Variants in MBNL1 observed in about 807,000 individuals in gnomAD.
The protein encoded by MBNL1 is muscleblind like splicing regulator 1.
Under a neutral mutation model 42.2 loss-of-function variants are expected in MBNL1, and 8 were observed. That is an observed-to-expected ratio of 0.19 (90% CI 0.11 to 0.34). The LOEUF is 0.34. MBNL1 is among the 10% of genes least tolerant of loss of function. MBNL1 has a pLI of 1.00. For synonymous variants in MBNL1, 169 were observed against 173.9 expected (o/e 0.97, Z 0.22); for missense variants, 309 against 495.3 (o/e 0.62, Z 3.57).
rs114807757 is a variant in MBNL1 at position 152,392,541 on chromosome 3, G to A, written c.175-22400G>A. On this transcript the variant is annotated intron_variant, in intron 2 of 9. Coordinates refer to ENST00000324210, the MANE Select transcript of MBNL1 (RefSeq NM_021038.5). ...ATCCCAGAATTTCTACTTTTTAAAA[G>A]CAGCAACAAGAAGTAAAACAAAACA... Among the ~76,000 whole-genome samples, 558 of 152,278 alleles carry A rather than the reference G, an allele frequency of 3.7e-3. 5 individuals carry two copies. Among genetic ancestry groups the A allele is most frequent in the Middle Eastern group, 0.014 (4 of 294 alleles).
At chr3:152,306,760 CAT>C (rs1043028764) in intron 2 of MBNL1, among the ~76,000 whole-genome samples, 4 of 152,110 alleles carry the variant, frequency 2.6e-5, no homozygotes, top group African/African-American at 4.8e-5. Flanking sequence ...TTTTTCCTCT[CAT>C]AAAACTTTCA....
At chr3:152,249,675 A>G (rs1039852309) in intron 2 of MBNL1, among the ~76,000 whole-genome samples, 4 of 150,792 alleles carry the variant, frequency 2.7e-5, no homozygotes, top group African/African-American at 9.8e-5. Flanking sequence ...TTGGTGTTTT[A>G]GACATGAAGT....
At chr3:152,338,158 A>G in intron 2 of MBNL1, 1 of 985,368 alleles carries the variant, frequency 1.0e-6, no homozygotes, top group Non-Finnish European at 1.2e-6. Context: ...TTTTTGGCTT[A>G]TGTATGGGAT....
chr3:152,340,881 C>T (rs777222897), intron 2 of MBNL1: 1 of 1,612,856 alleles, frequency 6.2e-7, no homozygotes, highest in East Asian at 2.2e-5. Context: ...ATAAAGGCAC[C>T]TGTGGGCCAG....
chr3:152,332,673 C>T (rs1453477643), intron 2 of MBNL1, among the ~76,000 whole-genome samples: 1 of 148,714 alleles, frequency 6.7e-6, no homozygotes, highest in Non-Finnish European at 1.5e-5. Flanking sequence ...AGTATTTTCT[C>T]TTTGAAGTTT....
intron 2 of MBNL1, among the ~76,000 whole-genome samples, chr3:152,412,676 TTC>T (rs1169813446): frequency 1.3e-5 from 2 of 152,188 alleles, no homozygotes; most frequent in African/African-American, 2.4e-5. Context: ...CACACGTGAT[TTC>T]TCTCTGTTAT....
intron 2 of MBNL1, among the ~76,000 whole-genome samples, chr3:152,362,386 A>G (rs1333582821): frequency 6.6e-6 from 1 of 152,188 alleles, no homozygotes; most frequent in East Asian, 1.9e-4. Flanking sequence ...TAGATTCAAA[A>G]AAGTTACCTA....
chr3:152,300,913 T>C (rs2060476755), intron 2 of MBNL1: 1 of 983,572 alleles, frequency 1.0e-6, no homozygotes, highest in South Asian at 4.7e-5. Context: ...AAAATGTAAC[T>C]AGAAGTAAGG....
rs1748716282 is a variant in MBNL1, at chr3:152,463,618, A to C, written c.*1252A>C. On this transcript the variant is annotated 3_prime_UTR_variant, in exon 10 of 10. Transcript: ENST00000324210. ...TGGGTTAAGTACATGGGTGAATTTT[A>C]TATGTGATTTTTGTTTTGTTTTGTT... The C allele has an allele frequency of 6.6e-6, 1 of 152,444 alleles. No homozygotes were observed. Among genetic ancestry groups the C allele is most frequent in the Non-Finnish European group, 1.5e-5 (1 of 67,940 alleles). 9.4% of individuals were successfully genotyped at this position (152,444 alleles called of 1,614,324 possible). A position where few individuals can be genotyped will look rare whatever the true frequency, so the allele number is the denominator to read the frequency against.
chr3:152,393,060 A>T (rs1388922093), intron 2 of MBNL1, among the ~76,000 whole-genome samples: 1 of 152,172 alleles, frequency 6.6e-6, no homozygotes, highest in South Asian at 2.1e-4. Flanking sequence ...TCTTGCCAAG[A>T]TGCCTCCCAT....
chr3:152,343,551 A>T (rs1185703135), intron 2 of MBNL1, among the ~76,000 whole-genome samples: 1 of 152,158 alleles, frequency 6.6e-6, no homozygotes, highest in African/African-American at 2.4e-5. Flanking sequence ...AAGATCCAGA[A>T]ACGGTACAGA....
At chr3:152,244,433 G>A (rs2032396328) in exon 2 of MBNL1, 1 of 148,262 alleles carries the variant, frequency 6.7e-6, no homozygotes, top group South Asian at 2.2e-4. Context: ...CTATAACTAA[G>A]CATAGAGGTA....
intron 1 of MBNL1, among the ~76,000 whole-genome samples, chr3:152,272,029 C>A (rs2042190623): frequency 7.2e-6 from 1 of 138,488 alleles, no homozygotes; most frequent in Non-Finnish European, 1.5e-5. Context: ...ATTAACTTCA[C>A]CTGTTTCTTT....
chr3:152,447,815 C>A, intron 6 of MBNL1, 42 bp downstream of exon 6: 1 of 1,588,304 alleles, frequency 6.3e-7, no homozygotes. Flanking sequence ...TGATGATCTA[C>A]AGAGAGTCCT....
chr3:152,391,388 C>G (rs925785771), intron 2 of MBNL1, among the ~76,000 whole-genome samples: 1 of 152,204 alleles, frequency 6.6e-6, no homozygotes, highest in African/African-American at 2.4e-5. Context: ...AACTTCTGTT[C>G]ACAGATTTTT....
At chr3:152,380,492 T>C (rs1025099642) in intron 2 of MBNL1, among the ~76,000 whole-genome samples, 1 of 152,042 alleles carries the variant, frequency 6.6e-6, no homozygotes, top group Non-Finnish European at 1.5e-5. Flanking sequence ...TGTTAATTGA[T>C]TACTAGATGT....
chr3:152,391,236 T>C (rs1039588524), intron 2 of MBNL1, among the ~76,000 whole-genome samples: 1 of 152,228 alleles, frequency 6.6e-6, no homozygotes, highest in African/African-American at 2.4e-5. Context: ...CCTTTTTCAG[T>C]TTTAAAGGAA....
At chr3:152,284,964 A>G (rs527652850) in intron 1 of MBNL1, among the ~76,000 whole-genome samples, 7 of 152,274 alleles carry the variant, frequency 4.6e-5, no homozygotes, top group Middle Eastern at 3.4e-3. Flanking sequence ...TTGATTAACA[A>G]TCTTAATTGA....
At position 152,465,082 on chromosome 3, in the gene MBNL1, A is replaced by G. The variant is rs1194378000; in HGVS notation, c.*2716A>G. The stretch of plus-strand genomic sequence containing the variant: ...AACCCTCATGACTGACAAAAACTCC[A>G]TGGGGCCAAATCTGCCTGAAGATCA... On this transcript the variant is annotated 3_prime_UTR_variant, in exon 10 of 10. Transcript: ENST00000324210. The G allele has an allele frequency of 2.0e-5, 3 of 152,582 alleles. No homozygotes were observed. Among genetic ancestry groups the G allele is most frequent in the East Asian group, 3.8e-4 (2 of 5,200 alleles). 9.5% of individuals were successfully genotyped at this position (152,582 alleles called of 1,614,324 possible).
Sources: allele counts gnomAD v4.1 joint callset (sites outside exome capture counted in the v4.1 genomes callset), GRCh38; gene constraint gnomAD v4.1.1; transcripts MANE v1.5; gene names NCBI Gene and HGNC (gene_info 2026-07-23, HGNC 2026-07-21).